The following LRP1B variants were observed in gnomAD, a reference collection of about 807,000 sequenced individuals.
The protein encoded by LRP1B is LDL receptor related protein 1B.
In LRP1B, 217 loss-of-function variants were observed where a neutral mutation model predicts 556.6. The observed-to-expected ratio is 0.39, with a 90% CI of 0.35 to 0.44. The LOEUF (loss-of-function observed/expected upper bound fraction) is 0.44. Ranked by LOEUF, LRP1B falls within the 20% of genes least tolerant of loss-of-function variation. The pLI is 1.00. For missense variants in LRP1B, 5,053 were observed against 5,620.8 expected (o/e 0.90, Z 3.23); for synonymous variants, 2,047 against 1,865.8 (o/e 1.10, Z -2.50).
At chr2:140,536,848 A>G (rs1023803535) in intron 45 of LRP1B, 139 bp from the exon 46 acceptor site, 1 of 708,430 alleles carries the variant, frequency 1.4e-6, no homozygotes, top group Non-Finnish European at 2.2e-6. Context: ...GCAATGGTTT[A>G]TGACATTTCT....
intron 3 of LRP1B, among the ~76,000 whole-genome samples, chr2:141,451,441 A>G (rs1681418043): frequency 6.6e-6 from 1 of 152,244 alleles, no homozygotes; most frequent in Non-Finnish European, 1.5e-5. Context: ...CAACCTAGTT[A>G]CATTGACATC....
chr2:140,597,256 G>A (rs1285408518), intron 43 of LRP1B, among the ~76,000 whole-genome samples: 1 of 152,024 alleles, frequency 6.6e-6, no homozygotes, highest in Non-Finnish European at 1.5e-5. Context: ...TCTTTTAACT[G>A]TCAGAAAAAA....
At chr2:141,281,616 A>C (rs1469779746) in intron 3 of LRP1B, among the ~76,000 whole-genome samples, 3 of 152,192 alleles carry the variant, frequency 2.0e-5, no homozygotes, top group Non-Finnish European at 4.4e-5. Context: ...GTAGAGAGTC[A>C]GTATATTGTT....
intron 41 of LRP1B, among the ~76,000 whole-genome samples, chr2:140,679,910 T>G (rs1261213930): frequency 6.6e-6 from 1 of 151,972 alleles, no homozygotes; most frequent in South Asian, 2.1e-4. Flanking sequence ...TGTTTATTTA[T>G]TTATTTACTT....
intron 2 of LRP1B, among the ~76,000 whole-genome samples, chr2:141,772,702 A>G (rs181131233): frequency 1.3e-5 from 2 of 152,334 alleles, no homozygotes; most frequent in Admixed American, 1.3e-4. Flanking sequence ...CTCAATCTGG[A>G]ATACTCATAG....
intron 60 of LRP1B, among the ~76,000 whole-genome samples, chr2:140,473,100 T>C (rs952003853): frequency 1.3e-5 from 2 of 152,028 alleles, no homozygotes; most frequent in African/African-American, 4.8e-5. Context: ...AATTCCACTT[T>C]ACAAACATGG....
At chr2:141,096,911 GA>G (rs1460084027) in intron 7 of LRP1B, among the ~76,000 whole-genome samples, 3 of 152,138 alleles carry the variant, frequency 2.0e-5, no homozygotes, top group Non-Finnish European at 4.4e-5. Context: ...AGGTCAGAAA[GA>G]GATTAAAGTT....
At chr2:140,704,609 A>G (rs930128378) in intron 37 of LRP1B, among the ~76,000 whole-genome samples, 1 of 152,144 alleles carries the variant, frequency 6.6e-6, no homozygotes, top group Admixed American at 6.6e-5. Context: ...GAAAAATATT[A>G]TTCAATATAA....
chr2:140,529,733 T>C (rs1173068973), intron 47 of LRP1B, among the ~76,000 whole-genome samples: 3 of 152,048 alleles, frequency 2.0e-5, no homozygotes, highest in Admixed American at 6.6e-5. Context: ...AAGAATTTCA[T>C]GTACTTCCCA....
At chr2:141,241,558 A>T (rs16845680) in intron 5 of LRP1B, among the ~76,000 whole-genome samples, 17,897 of 152,010 alleles carry the variant, frequency 0.12, 1,194 homozygotes, top group African/African-American at 0.16. Context: ...CTGGCCAAAT[A>T]TTCTATTCAC....
intron 1 of LRP1B, among the ~76,000 whole-genome samples, chr2:142,130,110 G>A (rs1445442647): frequency 1.3e-5 from 2 of 152,192 alleles, no homozygotes; most frequent in African/African-American, 4.8e-5. Context: ...CTCTGCTGAT[G>A]ACAGGACTCT....
chr2:141,058,386 G>A (rs1015300300), intron 9 of LRP1B, among the ~76,000 whole-genome samples: 2 of 151,658 alleles, frequency 1.3e-5, no homozygotes, highest in Non-Finnish European at 2.9e-5. Flanking sequence ...CTAATCTCCT[G>A]TAGAAACAAC....
At chr2:141,038,950 A>G (rs1303339460) in intron 11 of LRP1B, among the ~76,000 whole-genome samples, 1 of 152,116 alleles carries the variant, frequency 6.6e-6, no homozygotes, top group East Asian at 1.9e-4. Context: ...ACAATTATAT[A>G]TATAATAATA....
chr2:140,766,402 T>C (rs1448513491), intron 35 of LRP1B, among the ~76,000 whole-genome samples: 4 of 151,912 alleles, frequency 2.6e-5, no homozygotes, highest in African/African-American at 9.7e-5. Context: ...TATATTTTCA[T>C]AAAACACAGT....
At chr2:141,267,138 T>C (rs1254035029) in intron 3 of LRP1B, among the ~76,000 whole-genome samples, 1 of 152,184 alleles carries the variant, frequency 6.6e-6, no homozygotes, top group African/African-American at 2.4e-5. Flanking sequence ...ATTATTATCA[T>C]TATAGTCACA....
chr2:141,666,843 G>A (rs989759160), intron 2 of LRP1B, among the ~76,000 whole-genome samples: 6 of 152,164 alleles, frequency 3.9e-5, no homozygotes, highest in African/African-American at 1.4e-4. Flanking sequence ...TACAATTGAG[G>A]GTAAACATGG....
intron 86 of LRP1B, among the ~76,000 whole-genome samples, chr2:140,251,254 A>G (rs1681398653): frequency 6.6e-6 from 1 of 151,914 alleles, no homozygotes; most frequent in Non-Finnish European, 1.5e-5. Flanking sequence ...AATGAAAGTT[A>G]TTACATTTAG....
chr2:140,298,104 G>T, intron 83 of LRP1B, 135 bp from the exon 84 acceptor site: 2 of 678,940 alleles, frequency 2.9e-6, no homozygotes, highest in Non-Finnish European at 4.6e-6. Context: ...TGTGACTTTA[G>T]GCAGTAACAA....
intron 75 of LRP1B, among the ~76,000 whole-genome samples, chr2:140,355,138 A>G (rs778403764): frequency 7.2e-5 from 11 of 151,934 alleles, no homozygotes; most frequent in Non-Finnish European, 1.5e-4. Flanking sequence ...TGCAGGTTAT[A>G]TTTGCTGTGG....
Sources: allele counts gnomAD v4.1 joint callset (sites outside exome capture counted in the v4.1 genomes callset), GRCh38; gene constraint gnomAD v4.1.1; transcripts MANE v1.5; gene names NCBI Gene and HGNC (gene_info 2026-07-23, HGNC 2026-07-21).